ZBED6: variants seen among roughly 807,000 people sequenced by gnomAD.
ZBED6 encodes the protein zinc finger BED domain-containing protein 6.
ZBED6 carries 40 observed loss-of-function variants against 58.4 expected under a neutral mutation model. The observed-to-expected ratio is 0.68, with a 90% CI of 0.53 to 0.89. The LOEUF is 0.89. Among genes scored for constraint, ZBED6 ranks in the 40% least tolerant of loss-of-function variants. ZBED6 has a pLI of 0.00. For missense variants in ZBED6, 1,057 were observed against 1,003.9 expected (o/e 1.05, Z -0.71); for synonymous variants, 439 against 350.6 (o/e 1.25, Z -2.82).
intron 3 of ZBED6, among the ~76,000 whole-genome samples, chr1:203,821,396 T>C (rs1190214617): frequency 1.3e-5 from 2 of 152,214 alleles, no homozygotes; most frequent in African/African-American, 4.8e-5. Flanking sequence ...TTTTCTATTT[T>C]AATCAGTGTG....
Position 203,852,642 on chromosome 1 carries a change from A to T in ZBED6, c.*5375A>T. ...CATCTTTTGAGAAAAAAGTTCTGTCATACCCTTCTCTCCACAAAAAAGAGA... is the reference window on the plus strand; with the variant it reads ...CATCTTTTGAGAAAAAAGTTCTGTCTTACCCTTCTCTCCACAAAAAAGAGA... On this transcript the variant is annotated 3_prime_UTR_variant, in exon 17 of 17. Coordinates refer to ENST00000550078, the Ensembl canonical transcript of ZBED6. 9.7e-6 allele frequency: 5 copies of T among 514,884 alleles called. No homozygotes were observed. In the East Asian group the frequency reaches 1.4e-4, roughly 15 times the overall value. 31.9% of individuals were successfully genotyped at this position (514,884 alleles called of 1,614,324 possible).
At chr1:203,851,868 C>T (rs750626953) in intron 16 of ZBED6, among the ~76,000 whole-genome samples, 14 of 143,658 alleles carry the variant, frequency 9.7e-5, no homozygotes, top group South Asian at 4.6e-4. Flanking sequence ...ACTTGGGAGG[C>T]GGAGGCAAAA....
exon 1 of ZBED6, chr1:203,800,645 C>A: frequency 1.9e-6 from 1 of 516,028 alleles, no homozygotes; most frequent in Non-Finnish European, 3.2e-6. Context: ...GATTTCATAG[C>A]TATAACTGTG....
chr1:203,838,138 G>T, intron 10 of ZBED6, 74 bp downstream of exon 10: 1 of 1,384,128 alleles, frequency 7.2e-7, no homozygotes, highest in African/African-American at 1.4e-5. Flanking sequence ...AACAGCTATG[G>T]TTTTTCATTC....
At chr1:203,837,084 C>G (rs928147750) in intron 9 of ZBED6, among the ~76,000 whole-genome samples, 1 of 151,914 alleles carries the variant, frequency 6.6e-6, no homozygotes, top group African/African-American at 2.4e-5. Context: ...CACCTGAGCT[C>G]AGGAGTTCAA....
In ZBED6 at chr1:203,829,738, C is replaced by T. The variant is rs758820696; in HGVS notation, c.*3202-42C>T. On this transcript the variant is annotated intron_variant, in intron 5 of 16. Coordinates refer to ENST00000550078, the Ensembl canonical transcript of ZBED6. ...GCAGAATCAGGATTAAAGCTATAGG[C>T]GTATTTTTAATTGTGAATTTGCCTT... The T allele has an allele frequency of 4.5e-5, 73 of 1,610,224 alleles. No homozygotes were observed. The South Asian group carries it at 6.0e-4, about 13-fold the overall frequency.
chr1:203,824,788 T>C (rs1679941052), intron 3 of ZBED6, among the ~76,000 whole-genome samples: 1 of 151,938 alleles, frequency 6.6e-6, no homozygotes, highest in Non-Finnish European at 1.5e-5. Context: ...ATAGAGAAAA[T>C]AGATTGTTAG....
chr1:203,826,582 C>T (rs1222993587), intron 3 of ZBED6, among the ~76,000 whole-genome samples: 1 of 152,118 alleles, frequency 6.6e-6, no homozygotes, highest in African/African-American at 2.4e-5. Flanking sequence ...AATTTTATCA[C>T]TCTCTCAATA....
chr1:203,847,748 C>T lies in ZBED6; in HGVS notation c.*4245+61C>T, dbSNP rs113998700. ...CACATAATATTCCAGAGGAGTGTTCCGTGGGATCTTCCTAGGAGTTGTTTG... is the reference window on the plus strand; with the variant it reads ...CACATAATATTCCAGAGGAGTGTTCTGTGGGATCTTCCTAGGAGTTGTTTG... On this transcript the variant is annotated intron_variant, in intron 12 of 16. Coordinates refer to ENST00000550078, the Ensembl canonical transcript of ZBED6. The T allele has an allele frequency of 1.2e-3, 1,945 of 1,557,468 alleles. 17 individuals carry two copies. In the African/African-American group the frequency reaches 0.021, roughly 16 times the overall value.
At chr1:203,796,573 T>A (rs374174299) in exon 1 of ZBED6, 3 of 398,178 alleles carry the variant, frequency 7.5e-6, no homozygotes, top group East Asian at 3.6e-5. Flanking sequence ...AAAGAGGCTG[T>A]GGAACTAGAG....
intron 1 of ZBED6, among the ~76,000 whole-genome samples, chr1:203,810,715 G>A (rs1409010630): frequency 1.3e-5 from 2 of 152,060 alleles, no homozygotes; most frequent in African/African-American, 4.8e-5. Context: ...CACCGCGCCC[G>A]GCCAGCTCTT....
rs1572358805 is a variant in ZBED6 at position 203,847,617 on chromosome 1, C to T, written c.*4175C>T. On this transcript the variant is annotated 3_prime_UTR_variant, in exon 12 of 17. Coordinates refer to ENST00000550078, the Ensembl canonical transcript of ZBED6. ...GGGTGCAGCAGAGCTCTGAGAGCAG[C>T]ACCAGCTCCCCGTCTCAACACGAGG... 3.7e-6 allele frequency: 6 copies of T among 1,613,446 alleles called. No individual in the cohort carries two copies. In the Middle Eastern group the frequency reaches 5.0e-4, roughly 133 times the overall value.
exon 14 of ZBED6, chr1:203,849,721 A>G (rs1688811679): frequency 6.2e-7 from 1 of 1,613,992 alleles, no homozygotes; most frequent in Non-Finnish European, 8.5e-7. Context: ...GCTTCAGGTG[A>G]GACCACAGGA....
chr1:203,843,267 T>C (rs2103315061), intron 11 of ZBED6, among the ~76,000 whole-genome samples: 2 of 152,138 alleles, frequency 1.3e-5, no homozygotes, highest in South Asian at 2.1e-4. Flanking sequence ...ACTGATTCAG[T>C]AAATACATAA....
At chr1:203,818,504 G>C (rs1677131669) in intron 2 of ZBED6, 66 bp from the exon 3 acceptor site, 2 of 1,604,486 alleles carry the variant, frequency 1.2e-6, no homozygotes, top group East Asian at 4.5e-5. Flanking sequence ...AGGAGCTCTT[G>C]TTATGGATAT....
intron 11 of ZBED6, among the ~76,000 whole-genome samples, chr1:203,844,246 C>T (rs1687283213): frequency 6.6e-6 from 1 of 152,208 alleles, no homozygotes; most frequent in Non-Finnish European, 1.5e-5. Flanking sequence ...ACTGCAACCT[C>T]TGCCTCCCAG....
intron 3 of ZBED6, among the ~76,000 whole-genome samples, chr1:203,819,131 C>T (rs1677448064): frequency 1.4e-5 from 2 of 144,282 alleles, no homozygotes; most frequent in Non-Finnish European, 3.0e-5. Flanking sequence ...TGTATATATA[C>T]ATATGTATAT....
chr1:203,806,998 C>A (rs1672633726), intron 1 of ZBED6, among the ~76,000 whole-genome samples: 1 of 151,554 alleles, frequency 6.6e-6, no homozygotes, highest in Non-Finnish European at 1.5e-5. Flanking sequence ...CTAATGTTAA[C>A]CCATTCCTAG....
In ZBED6 at chr1:203,798,071, T is replaced by C. The variant is rs948916345; in HGVS notation, c.549T>C (p.His183=). 6.5e-6 allele frequency: 10 copies of C among 1,536,138 alleles called. No individual in the cohort carries two copies. The Middle Eastern group carries it at 5.0e-4, about 77-fold the overall frequency. Residue 183 remains histidine, a synonymous_variant, in exon 1 of 17, where the codon CAT becomes CAC. Transcript: ENST00000550078. ...ATCTGCAAGCAAGGCATTCACCTCA[T>C]TGGACCAGGGCCAACAAGTTTGGAG... is the stretch of plus-strand genomic sequence containing the variant.
Sources: gnomAD v4.1 joint callset for allele counts (sites outside exome capture counted in the v4.1 genomes callset) on GRCh38, gnomAD v4.1.1 for gene constraint, MANE v1.5 for transcripts, NCBI Gene and HGNC (gene_info 2026-07-23, HGNC 2026-07-21) for gene names.